The following ETV6 variants were observed in gnomAD, a reference collection of about 807,000 sequenced individuals.
The protein encoded by ETV6 is ETS variant transcription factor 6, also known as transcription factor ETV6.
Under a neutral mutation model 51.1 loss-of-function variants are expected in ETV6, and 16 were observed. That is an observed-to-expected ratio of 0.31 (90% CI 0.21 to 0.48). The LOEUF is 0.48. Ranked by LOEUF, ETV6 falls within the 20% of genes least tolerant of loss-of-function variation. The probability of loss-of-function intolerance (pLI) is 0.99; values close to 1 mark genes in which losing one functional copy is unlikely to be tolerated. For missense variants in ETV6, 458 were observed against 594.8 expected, an observed-to-expected ratio of 0.77 and a Z score of 2.39; for synonymous variants, 240 against 224.1, an observed-to-expected ratio of 1.07 and a Z score of -0.64.
chr12:11,825,390 TG>T (rs1565540486), intron 2 of ETV6, among the ~76,000 whole-genome samples: 1 of 152,156 alleles, frequency 6.6e-6, no homozygotes, highest in East Asian at 1.9e-4. Flanking sequence ...TGACAAATAT[TG>T]AAGAACGGCA....
At chr12:11,762,320 GCTAA>G (rs1271892264) in intron 2 of ETV6, among the ~76,000 whole-genome samples, 1 of 152,188 alleles carries the variant, frequency 6.6e-6, no homozygotes, top group Non-Finnish European at 1.5e-5. Flanking sequence ...TGTGGCTTCT[GCTAA>G]CTATCTACTT....
rs1327373841 is a variant in ETV6 at position 11,738,250 on chromosome 12, C to T, written c.34-14200C>T. On this transcript the variant is annotated intron_variant, in intron 1 of 7. Transcript: ENST00000396373. ...CCTCCCTCCCTCCTTCCCTCCTTCC[C>T]TCCTTCCTTCCTCTCTCTTTCTCTT... 4.8e-5 allele frequency among the ~76,000 whole-genome samples: 6 copies of T among 126,300 alleles called. 1 individual carries two copies. The highest frequency in any genetic ancestry group is 2.7e-4 in the South Asian group (1 of 3,684). The allele number at this position is 126,300 out of a possible 152,430, so 82.9% of individuals were successfully genotyped here. A position where few individuals can be genotyped will look rare whatever the true frequency, so the allele number is the denominator to read the frequency against.
chr12:11,652,861 A>T (rs901179668), intron 1 of ETV6, among the ~76,000 whole-genome samples: 1 of 152,278 alleles, frequency 6.6e-6, no homozygotes, highest in African/African-American at 2.4e-5. Flanking sequence ...TGAATGCCTG[A>T]TAAGGGCTTT....
At chr12:11,732,422 A>T (rs2120981842) in intron 1 of ETV6, among the ~76,000 whole-genome samples, 1 of 152,284 alleles carries the variant, frequency 6.6e-6, no homozygotes, top group East Asian at 1.9e-4. Context: ...TCCTGCCCAA[A>T]CTTACCAGGA....
intron 3 of ETV6, among the ~76,000 whole-genome samples, chr12:11,847,989 A>C (rs990824072): frequency 1.3e-5 from 2 of 152,170 alleles, no homozygotes; most frequent in African/African-American, 2.4e-5. Context: ...TCAACTGGGG[A>C]AAAAAATTCC....
At chr12:11,784,733 C>G (rs1314805300) in intron 2 of ETV6, among the ~76,000 whole-genome samples, 1 of 152,054 alleles carries the variant, frequency 6.6e-6, no homozygotes, top group Non-Finnish European at 1.5e-5. Flanking sequence ...CTGAGACAGG[C>G]TCTTGCCTCG....
intron 3 of ETV6, among the ~76,000 whole-genome samples, chr12:11,845,779 T>A (rs1007342700): frequency 6.6e-6 from 1 of 151,780 alleles, no homozygotes; most frequent in Non-Finnish European, 1.5e-5. Flanking sequence ...GATCACGGGG[T>A]CAGGAGATCA....
intron 2 of ETV6, among the ~76,000 whole-genome samples, chr12:11,823,100 C>G (rs544074605): frequency 6.6e-6 from 1 of 152,298 alleles, no homozygotes; most frequent in East Asian, 1.9e-4. Context: ...ACAGCAAGAC[C>G]AACCGCACCT....
intron 3 of ETV6, among the ~76,000 whole-genome samples, chr12:11,852,626 T>C (rs192455238): frequency 1.5e-4 from 23 of 152,288 alleles, no homozygotes; most frequent in Admixed American, 5.2e-4. Flanking sequence ...CAAGCTAAGA[T>C]AGATGTAAAA....
intron 2 of ETV6, among the ~76,000 whole-genome samples, chr12:11,823,102 A>G (rs547584385): frequency 4.6e-5 from 7 of 152,250 alleles, no homozygotes; most frequent in African/African-American, 9.6e-5. Context: ...AGCAAGACCA[A>G]CCGCACCTGT....
At chr12:11,668,978 T>C (rs1481418212) in intron 1 of ETV6, among the ~76,000 whole-genome samples, 1 of 152,186 alleles carries the variant, frequency 6.6e-6, no homozygotes, top group African/African-American at 2.4e-5. Flanking sequence ...GGGCCACGTC[T>C]TCAGATCCCT....
At chr12:11,841,771 G>T (rs1946393716) in intron 3 of ETV6, among the ~76,000 whole-genome samples, 1 of 152,196 alleles carries the variant, frequency 6.6e-6, no homozygotes, top group South Asian at 2.1e-4. Flanking sequence ...ACAAGAAGGA[G>T]ATGAGGAAGC....
intron 4 of ETV6, among the ~76,000 whole-genome samples, chr12:11,868,253 C>T (rs1946820829): frequency 6.6e-6 from 1 of 152,094 alleles, no homozygotes; most frequent in Non-Finnish European, 1.5e-5. Flanking sequence ...GTCATGAGTA[C>T]ACAGGTTCTA....
chr12:11,666,456 C>G (rs1591595294), intron 1 of ETV6, among the ~76,000 whole-genome samples: 1 of 152,120 alleles, frequency 6.6e-6, no homozygotes. Flanking sequence ...AGGACAGCCT[C>G]AATATTGCTG....
chr12:11,889,014 T>C (rs1355466249), intron 7 of ETV6, among the ~76,000 whole-genome samples: 1 of 152,050 alleles, frequency 6.6e-6, no homozygotes, highest in African/African-American at 2.4e-5. Flanking sequence ...TTCTATTTTT[T>C]ATCATTCTAT....
At chr12:11,713,526 G>A (rs567424421) in intron 1 of ETV6, among the ~76,000 whole-genome samples, 1 of 152,216 alleles carries the variant, frequency 6.6e-6, no homozygotes, top group African/African-American at 2.4e-5. Flanking sequence ...GGGCCTTTGC[G>A]TGTGCTGTTT....
chr12:11,733,893 C>T (rs1404163749), intron 1 of ETV6, among the ~76,000 whole-genome samples: 1 of 152,212 alleles, frequency 6.6e-6, no homozygotes, highest in Non-Finnish European at 1.5e-5. Context: ...GCTCGGCCGA[C>T]CACTTGATGT....
chr12:11,883,768 G>C (rs1947142300), intron 5 of ETV6, among the ~76,000 whole-genome samples: 1 of 152,156 alleles, frequency 6.6e-6, no homozygotes, highest in South Asian at 2.1e-4. Flanking sequence ...TTTCTGCCAT[G>C]ATCCACTATA....
chr12:11,842,781 G>A (rs955171392), intron 3 of ETV6, among the ~76,000 whole-genome samples: 8 of 152,228 alleles, frequency 5.3e-5, no homozygotes, highest in African/African-American at 1.9e-4. Flanking sequence ...GCTAGTTAGA[G>A]TGTCCTTGCT....
Sources: gnomAD v4.1 joint callset for allele counts (sites outside exome capture counted in the v4.1 genomes callset) on GRCh38, gnomAD v4.1.1 for gene constraint, MANE v1.5 for transcripts, NCBI Gene and HGNC (gene_info 2026-07-23, HGNC 2026-07-21) for gene names.